EPB41L4A: variants seen among roughly 807,000 people sequenced by gnomAD.
The protein encoded by EPB41L4A is erythrocyte membrane protein band 4.1 like 4A.
A neutral mutation model predicts 108.6 loss-of-function variants in EPB41L4A; 100 were observed. The ratio of observed to expected loss-of-function variants is 0.92; its 90% confidence interval spans 0.78 to 1.09. EPB41L4A has a LOEUF of 1.09. Ranked by LOEUF, EPB41L4A falls within the 50% of genes least tolerant of loss-of-function variation. The pLI is 0.00. For missense variants in EPB41L4A, 1,030 were observed against 842.7 expected (o/e 1.22, Z -2.75); for synonymous variants, 319 against 289.0 (o/e 1.10, Z -1.05).
intron 18 of EPB41L4A, 71 bp from the exon 19 acceptor site, chr5:112,171,063 T>G: frequency 7.5e-7 from 1 of 1,335,298 alleles, no homozygotes; most frequent in South Asian, 1.2e-5. Context: ...CTAACTTTAA[T>G]AGTTTTCAGA....
intron 1 of EPB41L4A, among the ~76,000 whole-genome samples, chr5:112,403,655 C>T (rs980072142): frequency 6.6e-5 from 10 of 151,992 alleles, no homozygotes; most frequent in Admixed American, 2.0e-4. Context: ...TTTGTAGAGA[C>T]GGGGGTCTCA....
At chr5:112,170,637 G>A (rs1215020651) in intron 19 of EPB41L4A, among the ~76,000 whole-genome samples, 2 of 152,168 alleles carry the variant, frequency 1.3e-5, no homozygotes, top group Non-Finnish European at 2.9e-5. Context: ...TCTCTCCCCT[G>A]TGGTAGGTGT....
downstream of EPB41L4A, among the ~76,000 whole-genome samples, chr5:112,159,855 A>G (rs954219340): frequency 3.9e-5 from 6 of 152,042 alleles, no homozygotes; most frequent in Admixed American, 2.0e-4. Flanking sequence ...AAATATTTAA[A>G]ATATGTTGGG....
chr5:112,385,631 A>C lies in EPB41L4A; in HGVS notation c.99+33310T>G, dbSNP rs554841600. 7.2e-5 allele frequency among the ~76,000 whole-genome samples: 11 copies of C among 152,308 alleles called. No homozygotes were observed. In the South Asian group the frequency reaches 2.3e-3, roughly 32 times the overall value. On this transcript the variant is annotated intron_variant, in intron 1 of 22. Transcript: ENST00000261486. ...TTATCTCCTTATTGAAATTAGAAGAATTGTAGTTCAAGTCAGAAGAGATAG... is the reference window on the plus strand; with the variant it reads ...TTATCTCCTTATTGAAATTAGAAGACTTGTAGTTCAAGTCAGAAGAGATAG...
chr5:112,285,168 T>C (rs1580608420), intron 2 of EPB41L4A, among the ~76,000 whole-genome samples: 1 of 152,216 alleles, frequency 6.6e-6, no homozygotes, highest in South Asian at 2.1e-4. Flanking sequence ...TGACTCTCTT[T>C]TGGAGAACTT....
intron 1 of EPB41L4A, among the ~76,000 whole-genome samples, chr5:112,399,677 A>G (rs1554111628): frequency 1.3e-5 from 2 of 152,160 alleles, no homozygotes; most frequent in African/African-American, 2.4e-5. Flanking sequence ...ATTTCCTTAA[A>G]TACCACCAGG....
rs1331656471 is a variant in EPB41L4A, at chr5:112,265,023, A to C, written c.434-7T>G. ...TCATAATCTCCAAGCTCCGCTAAAA[A>C]AGAAAGATAACATAGTTTTTTCCAT... On this transcript the variant is annotated splice_region_variant and splice_polypyrimidine_tract_variant and intron_variant, in intron 5 of 22. Transcript: ENST00000261486. 1 of 1,555,780 alleles carries C rather than the reference A, an allele frequency of 6.4e-7. No individual in the cohort carries two copies. The highest frequency in any genetic ancestry group is 1.3e-5 in the South Asian group (1 of 79,092).
intron 15 of EPB41L4A, among the ~76,000 whole-genome samples, chr5:112,198,308 C>A (rs577417516): frequency 3.3e-5 from 5 of 152,318 alleles, no homozygotes; most frequent in Admixed American, 1.3e-4. Context: ...GCTGGGATTA[C>A]AGGCATGAGC....
intron 1 of EPB41L4A, among the ~76,000 whole-genome samples, chr5:112,408,524 G>T (rs1762216470): frequency 6.6e-6 from 1 of 151,248 alleles, no homozygotes; most frequent in African/African-American, 2.4e-5. Context: ...TTAAAAACTG[G>T]CAAACAATGT....
intron 12 of EPB41L4A, among the ~76,000 whole-genome samples, chr5:112,214,393 G>A (rs1747456422): frequency 6.6e-6 from 1 of 152,180 alleles, no homozygotes. Flanking sequence ...TCAGACATAA[G>A]AAAAGGGTAT....
intron 6 of EPB41L4A, among the ~76,000 whole-genome samples, chr5:112,263,098 T>C (rs1751608499): frequency 6.6e-6 from 1 of 152,228 alleles, no homozygotes; most frequent in African/African-American, 2.4e-5. Context: ...AAAAAATGCT[T>C]GTCATTTTCT....
chr5:112,155,274 C>T (rs1484062810), intron 12 of EPB41L4A, among the ~76,000 whole-genome samples: 1 of 151,930 alleles, frequency 6.6e-6, no homozygotes, highest in Non-Finnish European at 1.5e-5. Context: ...CATCACAAAA[C>T]ATATGTATCT....
intron 12 of EPB41L4A, among the ~76,000 whole-genome samples, chr5:112,156,093 A>G (rs1275919244): frequency 3.3e-5 from 5 of 152,168 alleles, no homozygotes; most frequent in African/African-American, 1.2e-4. Flanking sequence ...AAAATGTATT[A>G]ATGCAATTCA....
chr5:112,392,435 C>T (rs1307269846), intron 1 of EPB41L4A, among the ~76,000 whole-genome samples: 6 of 140,758 alleles, frequency 4.3e-5, no homozygotes, highest in African/African-American at 1.6e-4. Flanking sequence ...GCAGGGGTTG[C>T]AATCCTAGTC....
intron 1 of EPB41L4A, among the ~76,000 whole-genome samples, chr5:112,418,118 G>A (rs1762819900): frequency 6.6e-6 from 1 of 152,096 alleles, no homozygotes; most frequent in African/African-American, 2.4e-5. Context: ...ATCTAAAACT[G>A]AAAGAGAAAG....
At chr5:112,219,354 GC>G (rs1747878904) in intron 12 of EPB41L4A, among the ~76,000 whole-genome samples, 1 of 152,106 alleles carries the variant, frequency 6.6e-6, no homozygotes. Flanking sequence ...TCTCTCTCCT[GC>G]CGCCCTGTGA....
chr5:112,248,602 T>C (rs1418735912), intron 9 of EPB41L4A, among the ~76,000 whole-genome samples: 2 of 152,172 alleles, frequency 1.3e-5, no homozygotes, highest in African/African-American at 4.8e-5. Flanking sequence ...AACCCCCAAT[T>C]CCATCATTTG....
chr5:112,382,235 A>G (rs973801020), intron 1 of EPB41L4A, among the ~76,000 whole-genome samples: 3 of 152,186 alleles, frequency 2.0e-5, no homozygotes, highest in African/African-American at 4.8e-5. Flanking sequence ...CAATATTTCA[A>G]TTAGTCACCA....
intron 1 of EPB41L4A, among the ~76,000 whole-genome samples, chr5:112,412,904 T>C (rs751712389): frequency 8.5e-5 from 13 of 152,238 alleles, no homozygotes; most frequent in Non-Finnish European, 1.6e-4. Flanking sequence ...AAACCCAATA[T>C]TTAATGTATT....
Sources: gnomAD v4.1 joint callset for allele counts (sites outside exome capture counted in the v4.1 genomes callset) on GRCh38, gnomAD v4.1.1 for gene constraint, MANE v1.5 for transcripts, NCBI Gene and HGNC (gene_info 2026-07-23, HGNC 2026-07-21) for gene names.